Variants in TNFRSF13B observed in about 807,000 individuals in gnomAD.
TNFRSF13B encodes TNF receptor superfamily member 13B, also known as tumor necrosis factor receptor superfamily member 13B.
A neutral mutation model predicts 24.0 loss-of-function variants in TNFRSF13B; 34 were observed. The observed-to-expected ratio is 1.41, with a 90% CI of 1.08 to 1.88. The LOEUF (loss-of-function observed/expected upper bound fraction) is 1.88, where lower values mean the gene tolerates loss of function less well. Ranked by LOEUF, TNFRSF13B falls within the 40% of genes most tolerant of loss-of-function variation. The pLI is 0.00. For missense variants in TNFRSF13B, 415 were observed against 380.8 expected (o/e 1.09, Z -0.75); for synonymous variants, 173 against 150.3 (o/e 1.15, Z -1.10).
intron 1 of TNFRSF13B, among the ~76,000 whole-genome samples, chr17:16,966,832 CTTTTTTCTTTTTTTT>C (rs1439894144): frequency 2.1e-5 from 2 of 95,858 alleles, no homozygotes; most frequent in African/African-American, 8.3e-5. Flanking sequence ...TTTTCTTTTT[CTTTTTTCTTTTTTTT>C]TTTTTTTTTG....
intron 1 of TNFRSF13B, among the ~76,000 whole-genome samples, chr17:16,963,219 A>G (rs979812680): frequency 1.3e-5 from 2 of 152,192 alleles, no homozygotes; most frequent in Admixed American, 6.5e-5. Flanking sequence ...CACGTTAGTA[A>G]AGACAACCCC....
In TNFRSF13B at chr17:16,939,605, G is replaced by A. The variant is rs761400653; in HGVS notation, c.824C>T (p.Pro275Leu). 14 of 1,613,518 alleles carry A rather than the reference G, an allele frequency of 8.7e-6. No individual in the cohort carries two copies. In the East Asian group the frequency reaches 2.7e-4, roughly 31 times the overall value. ...TTVLQPCPHI[P>L]DSGLGIVCVP... ...ACACACAATGCCAAGGCCACTGTCT[G>A]GGATGTGTGGGCAAGGCTGCAGGAC... The change falls in exon 5 of 5, where the codon CCA (proline) becomes CTA (leucine). Residue 275 changes from proline (P) to leucine (L), a missense_variant. Transcript: ENST00000261652.
rs537951875 is a variant in TNFRSF13B, at chr17:16,949,053, G to A, written c.200-70C>T. The A allele has an allele frequency of 4.1e-4, 651 of 1,599,362 alleles. 9 individuals are homozygous for A. The Middle Eastern group carries it at 0.013, about 32-fold the overall frequency. On this transcript the variant is annotated intron_variant, in intron 2 of 4. Transcript: ENST00000261652. ...CAGGAACTCTGGGTTTGACCACAAAGGACATCAAAGTTAAAAAAAAAAATA... is the reference window on the plus strand; with the variant it reads ...CAGGAACTCTGGGTTTGACCACAAAAGACATCAAAGTTAAAAAAAAAAATA...
At chr17:16,969,686 A>G (rs1343026147) in intron 1 of TNFRSF13B, among the ~76,000 whole-genome samples, 18 of 152,222 alleles carry the variant, frequency 1.2e-4, no homozygotes, top group Admixed American at 1.2e-3. Context: ...TGTAAGTTAT[A>G]TGTAAATAAA....
chr17:16,940,439 G>A lies in TNFRSF13B; in HGVS notation c.518C>T (p.Ala173Val). ...CGCCACCAGGAAGCAGCAGAGGACGGCACACAGGCAGAGCCCCAGCGTGCT... is the reference window on the plus strand; with the variant it reads ...CGCCACCAGGAAGCAGCAGAGGACGACACACAGGCAGAGCCCCAGCGTGCT... ...VYSTLGLCLC[A>V]VLCCFLVAVA... The change falls in exon 4 of 5, where the codon GCC (alanine) becomes GTC (valine). Residue 173 changes from alanine to valine, a missense_variant. Physicochemically the swap from Ala to Val is moderately conservative, Grantham distance 64. Transcript: ENST00000261652. 1 of 1,613,938 alleles carries A rather than the reference G, an allele frequency of 6.2e-7. No individual in the cohort carries two copies. The highest frequency in any genetic ancestry group is 8.5e-7 in the Non-Finnish European group (1 of 1,180,034).
At chr17:16,967,531 GA>G (rs2087710392) in intron 1 of TNFRSF13B, among the ~76,000 whole-genome samples, 1 of 151,778 alleles carries the variant, frequency 6.6e-6, no homozygotes, top group Admixed American at 6.6e-5. Flanking sequence ...GAGGCTGGCG[GA>G]TCACGAGGTC....
At chr17:16,960,936 G>A (rs959343696) in intron 1 of TNFRSF13B, among the ~76,000 whole-genome samples, 2 of 152,142 alleles carry the variant, frequency 1.3e-5, no homozygotes, top group African/African-American at 2.4e-5. Context: ...TCAAAACTGA[G>A]CAAAAGGCTT....
chr17:16,972,027 G>T lies in TNFRSF13B; in HGVS notation c.49C>A (p.Gln17Lys). The T allele has an allele frequency of 6.2e-7, 1 of 1,614,086 alleles. No individual in the cohort carries two copies. Among genetic ancestry groups the T allele is most frequent in the Non-Finnish European group, 8.5e-7 (1 of 1,180,026 alleles). Residue 17 changes from glutamine to lysine, a missense_variant, in exon 1 of 5, where the codon CAG becomes AAG. Coordinates refer to ENST00000261652, the MANE Select transcript of TNFRSF13B (RefSeq NM_012452.3). ...CCCGGCTACTCACAGCGCTCCTCCT[G>T]GTCCACACGGCTCCGGCCACCTCGC... The part of the protein sequence containing the change: ...SRRGGRSRVD[Q>K]EERFPQGLWT...
chr17:16,954,845 G>A (rs144367995), intron 1 of TNFRSF13B, among the ~76,000 whole-genome samples: 2,737 of 152,344 alleles, frequency 0.018, 32 homozygotes, highest in Non-Finnish European at 0.026. Context: ...CTTGGACACA[G>A]CTGAGGGTAG....
chr17:16,970,950 G>A (rs2087739205), intron 1 of TNFRSF13B, among the ~76,000 whole-genome samples: 1 of 152,200 alleles, frequency 6.6e-6, no homozygotes, highest in South Asian at 2.1e-4. Flanking sequence ...AGCAGGCAGA[G>A]GCTGTGAATC....
At chr17:16,964,324 A>G (rs1052810695) in intron 1 of TNFRSF13B, among the ~76,000 whole-genome samples, 1 of 143,326 alleles carries the variant, frequency 7.0e-6, no homozygotes, top group African/African-American at 2.6e-5. Flanking sequence ...TTGAGAGTCC[A>G]CCATCTCCAT....
At position 16,967,781 on chromosome 17, in the gene TNFRSF13B, G is replaced by GA. The variant is rs797020481; in HGVS notation, c.61+4233dup. The stretch of plus-strand genomic sequence containing the variant: ...AAAAAAAAAAAAAAAAAGAAAGAAA[G>GA]AAAAAAAAAAGAAACCAAACACACT... On this transcript the variant is annotated intron_variant, in intron 1 of 4. Coordinates refer to ENST00000261652, the MANE Select transcript of TNFRSF13B (RefSeq NM_012452.3). Among the ~76,000 whole-genome samples, 1,084 of 118,342 alleles carry GA rather than the reference G, an allele frequency of 9.2e-3. 17 individuals are homozygous for GA. Among genetic ancestry groups the GA allele is most frequent in the African/African-American group, 0.034 (1,033 of 30,640 alleles). The allele number at this position is 118,342 out of a possible 152,430, so 77.6% of individuals were successfully genotyped here.
intron 1 of TNFRSF13B, among the ~76,000 whole-genome samples, chr17:16,970,657 C>G (rs888450032): frequency 3.3e-5 from 5 of 150,858 alleles, no homozygotes; most frequent in Non-Finnish European, 7.4e-5. Context: ...CAGCCAAGGT[C>G]CCAGAGTGGG....
At chr17:16,963,725 T>C (rs556371686) in intron 1 of TNFRSF13B, among the ~76,000 whole-genome samples, 2 of 152,266 alleles carry the variant, frequency 1.3e-5, no homozygotes, top group South Asian at 4.2e-4. Flanking sequence ...AATTTTTTTG[T>C]ATTTTTAGTA....
intron 4 of TNFRSF13B, 169 bp from the exon 5 acceptor site, chr17:16,939,966 G>A: frequency 1.8e-6 from 2 of 1,100,780 alleles, no homozygotes; most frequent in African/African-American, 1.6e-5. Flanking sequence ...CAGAACCTGT[G>A]CCGGGGCAGG....
chr17:16,963,344 G>A lies in TNFRSF13B; in HGVS notation c.61+8671C>T, dbSNP rs149816598. Among the ~76,000 whole-genome samples, 1,278 of 152,246 alleles carry A rather than the reference G, an allele frequency of 8.4e-3. 20 individuals are homozygous for A. Among genetic ancestry groups the A allele is most frequent in the African/African-American group, 0.027 (1,114 of 41,538 alleles). On this transcript the variant is annotated intron_variant, in intron 1 of 4. Transcript: ENST00000261652. ...ATTTTAGGGGCCAATTCCTGTTGGC[G>A]TGAGCCAACTCCCTCTTTTCCTCCT...
chr17:16,949,792 T>C (rs1029980948), intron 2 of TNFRSF13B, among the ~76,000 whole-genome samples: 31 of 151,954 alleles, frequency 2.0e-4, no homozygotes, highest in Non-Finnish European at 1.2e-4. Flanking sequence ...TTCAAGCAAT[T>C]CTCCTGCCTC....
intron 1 of TNFRSF13B, among the ~76,000 whole-genome samples, chr17:16,968,157 GAAA>G (rs869150112): frequency 1.5e-4 from 6 of 40,436 alleles, no homozygotes; most frequent in Admixed American, 3.2e-4. Flanking sequence ...AAAAAAAAAA[GAAA>G]AAAGAAAGGA....
At position 16,948,776 on chromosome 17, in the gene TNFRSF13B, TACCTTCCCG is replaced by T. The variant is rs2087567009; in HGVS notation, c.398_406del (p.Ser133_Arg135del). 2 of 1,614,108 alleles carry T rather than the reference TACCTTCCCG, an allele frequency of 1.2e-6. No individual in the cohort carries two copies. Among genetic ancestry groups the T allele is most frequent in the African/African-American group, 2.7e-5 (2 of 74,936 alleles). ...TGAGCCTCTGTGCTCCAATCCTTGG[TACCTTCCCG>T]AGTTGTCTGAATTGTTTTCAACTTC... On this transcript the variant is annotated inframe_deletion, in exon 3 of 5. Coordinates refer to ENST00000261652, the MANE Select transcript of TNFRSF13B (RefSeq NM_012452.3).
Sources: gnomAD v4.1 joint callset for allele counts (sites outside exome capture counted in the v4.1 genomes callset) on GRCh38, gnomAD v4.1.1 for gene constraint, MANE v1.5 for transcripts, NCBI Gene and HGNC (gene_info 2026-07-23, HGNC 2026-07-21) for gene names.